RTN2: variants seen among roughly 807,000 people sequenced by gnomAD.
RTN2 encodes the protein reticulon 2.
A neutral mutation model predicts 63.7 loss-of-function variants in RTN2; 36 were observed. That is an observed-to-expected ratio of 0.56 (90% CI 0.43 to 0.75). The LOEUF is 0.75. Ranked by LOEUF, RTN2 falls within the 30% of genes least tolerant of loss-of-function variation. The pLI is 0.00. For missense variants in RTN2, 673 were observed against 705.1 expected, an observed-to-expected ratio of 0.95 and a Z score of 0.52; for synonymous variants, 312 against 313.0, an observed-to-expected ratio of 1.00 and a Z score of 0.03.
chr19:45,493,975 C>A, intron 4 of RTN2, 191 bp downstream of exon 4: 1 of 858,780 alleles, frequency 1.2e-6, no homozygotes, highest in Non-Finnish European at 1.8e-6. Flanking sequence ...CAGGCATGAG[C>A]CACCGCGCCC....
rs765432276 is a variant in RTN2 at position 45,489,447 on chromosome 19, G to A, written c.1140C>T (p.Ala380=). The A allele has an allele frequency of 1.1e-5, 18 of 1,612,028 alleles. No homozygotes were observed. The highest frequency in any genetic ancestry group is 3.3e-5 in the Admixed American group (2 of 59,770). Residue 380 remains alanine, a synonymous_variant, in exon 6 of 11, where the codon GCC becomes GCT. Transcript: ENST00000245923. ...AGAGCAGCAACAGAGCCAAGTGCGCGGCCACGGACACGATGCTAAAGTGCA... is the reference window on the plus strand; with the variant it reads ...AGAGCAGCAACAGAGCCAAGTGCGCAGCCACGGACACGATGCTAAAGTGCA... The part of the protein sequence containing the change: ...CLLHFSIVSV[A]AHLALLLLCG...
intron 10 of RTN2, 132 bp from the exon 11 acceptor site, chr19:45,485,921 T>G: frequency 8.8e-7 from 1 of 1,139,314 alleles, no homozygotes; most frequent in East Asian, 2.4e-5. Context: ...CCTAGTGGCC[T>G]ACATTGGAAT....
At chr19:45,490,027 T>C (rs1176613986) in intron 5 of RTN2, among the ~76,000 whole-genome samples, 1 of 151,614 alleles carries the variant, frequency 6.6e-6, no homozygotes, top group Non-Finnish European at 1.5e-5. Context: ...TTTATTTTTA[T>C]TTTTTTCTCT....
rs1368017972 is a variant in RTN2, at chr19:45,494,825, C to T, written c.260G>A (p.Arg87His). 5 of 1,603,014 alleles carry T rather than the reference C, an allele frequency of 3.1e-6. No individual in the cohort carries two copies. Among genetic ancestry groups the T allele is most frequent in the East Asian group, 2.2e-5 (1 of 44,876 alleles). The part of the protein sequence containing the change: ...GRRDSTARRP[R>H]PQGRSVSEPR... ...TTCCGAGACTGAGCGGCCCTGGGGG[C>T]GGGGGCGGCGGGCAGTTGAATCCCT... is the stretch of plus-strand genomic sequence containing the variant. The change falls in exon 3 of 11, where the codon CGC (arginine) becomes CAC (histidine). Residue 87 changes from arginine to histidine, a missense_variant. By Grantham distance (29) the Arg-to-His change is conservative. Transcript: ENST00000245923. The surrounding 1 kb of genome is among the most constrained non-coding windows in gnomAD (Gnocchi z 5.3).
intron 5 of RTN2, among the ~76,000 whole-genome samples, chr19:45,491,582 A>C (rs1252118769): frequency 2.1e-5 from 3 of 146,074 alleles, no homozygotes; most frequent in Admixed American, 7.0e-5. Flanking sequence ...CCCAAGCTGG[A>C]GTGCAGTGGC....
At chr19:45,491,925 G>C (rs775603380) in intron 5 of RTN2, among the ~76,000 whole-genome samples, 1 of 151,924 alleles carries the variant, frequency 6.6e-6, no homozygotes. Flanking sequence ...CACCGCGCTC[G>C]GTCATATATA....
At position 45,489,394 on chromosome 19, in the gene RTN2, C is replaced by A. The variant is rs1280056583; in HGVS notation, c.1193G>T (p.Arg398Leu). 16 of 1,596,262 alleles carry A rather than the reference C, an allele frequency of 1.0e-5. No homozygotes were observed. The highest frequency in any genetic ancestry group is 1.4e-5 in the Non-Finnish European group (16 of 1,172,046). The change falls in exon 6 of 11, where the codon CGC (arginine) becomes CTC (leucine). Residue 398 changes from arginine (R) to leucine (L), a missense_variant. By Grantham distance (102) the Arg-to-Leu change is moderately radical (BLOSUM62 -2). Coordinates refer to ENST00000245923, the MANE Select transcript of RTN2 (RefSeq NM_005619.5). Reference sequence around the variant, plus strand: ...CCGGTGCACGGCCTGCAGCACTTTGCGGTAAACCCTGAGAGAGATGGTGCC... The same window carrying A: ...CCGGTGCACGGCCTGCAGCACTTTGAGGTAAACCCTGAGAGAGATGGTGCC... ...LCGTISLRVY[R>L]KVLQAVHRGD...
rs757099143 is a variant in RTN2 at position 45,485,777 on chromosome 19, T to A, written c.1569A>T (p.Lys523Asn). The change falls in exon 11 of 11, where the codon AAA (lysine) becomes AAT (asparagine). Residue 523 changes from lysine (K) to asparagine (N), a missense_variant. By Grantham distance (94) the Lys-to-Asn change is moderately conservative. Coordinates refer to ENST00000245923, the MANE Select transcript of RTN2 (RefSeq NM_005619.5). ...AGGCCAGGGCTCCGGTCCCTGGGAT[T>A]TTAGCTCGGATCCTGAAGGAGAAAC... ...LSHIKAKIRA[K>N]IPGTGALASA... 6 of 1,613,632 alleles carry A rather than the reference T, an allele frequency of 3.7e-6. No homozygotes were observed. The highest frequency in any genetic ancestry group is 1.3e-5 in the African/African-American group (1 of 74,818).
Position 45,494,882 on chromosome 19 carries a change from G to A in RTN2, c.203C>T (p.Ala68Val). The A allele has an allele frequency of 6.2e-7, 1 of 1,610,100 alleles. No homozygotes were observed. ...TPRELTFSYI[A>V]FDGVVGSGGR... ...CCCGGAGCCCACTACACCATCAAAG[G>A]CGATGTAGGAGAAGGTCAGCTCCCG... The change falls in exon 3 of 11, where the codon GCC becomes GTC. Residue 68 changes from alanine (A) to valine (V), a missense_variant. By Grantham distance (64) the Ala-to-Val change is moderately conservative. Transcript: ENST00000245923. This position sits in a 1 kb window ranked among gnomAD's most constrained non-coding sequence, Gnocchi z 5.3.
chr19:45,486,609 T>C (rs1440474948), intron 9 of RTN2, among the ~76,000 whole-genome samples: 1 of 152,118 alleles, frequency 6.6e-6, no homozygotes, highest in African/African-American at 2.4e-5. Context: ...CCTCCTGAGT[T>C]CAAGCGATTC....
Position 45,495,026 on chromosome 19 carries a change from C to T in RTN2, c.80-21G>A, listed in dbSNP as rs552927636. ...CCCTCCTGCAGTGGGTGAAGGAGAG[C>T]CTTGTTTCCCTCAGCAGGTCCCTGA... is the stretch of plus-strand genomic sequence containing the variant. On this transcript the variant is annotated intron_variant, in intron 2 of 10. Transcript: ENST00000245923. 12 of 1,614,102 alleles carry T rather than the reference C, an allele frequency of 7.4e-6. No individual in the cohort carries two copies. In the East Asian group the frequency reaches 2.0e-4, roughly 27 times the overall value.
rs1967993887 is a variant in RTN2 at position 45,485,368 on chromosome 19, T to C, written c.*340A>G. On this transcript the variant is annotated 3_prime_UTR_variant, in exon 11 of 11. Coordinates refer to ENST00000245923, the MANE Select transcript of RTN2 (RefSeq NM_005619.5). ...CTGGGCCCCATGCAAAGCCCCGGCG[T>C]TGGGGCTAGTAGCATCCAGGAGACA... 3.4e-6 allele frequency: 1 copy of C among 293,372 alleles called. No homozygotes were observed. The highest frequency in any genetic ancestry group is 6.5e-6 in the Non-Finnish European group (1 of 153,580). The allele number at this position is 293,372 out of a possible 1,614,324, so 18.2% of individuals were successfully genotyped here. A position where few individuals can be genotyped will look rare whatever the true frequency, so the allele number is the denominator to read the frequency against.
intron 1 of RTN2, among the ~76,000 whole-genome samples, chr19:45,495,982 G>T (rs543815298): frequency 6.6e-6 from 1 of 152,204 alleles, no homozygotes; most frequent in Non-Finnish European, 1.5e-5. Flanking sequence ...CATGGAAATG[G>T]CTAGATCTAA....
intron 10 of RTN2, 100 bp downstream of exon 10, chr19:45,485,955 G>C (rs1229070104): frequency 6.1e-6 from 8 of 1,307,720 alleles, no homozygotes; most frequent in Non-Finnish European, 8.8e-6. Flanking sequence ...TTTTCAAGGG[G>C]ACATTACCCC....
intron 10 of RTN2, 89 bp downstream of exon 10, chr19:45,485,966 A>C: frequency 2.9e-6 from 4 of 1,367,310 alleles, no homozygotes; most frequent in Admixed American, 1.8e-5. Context: ...ACATTACCCC[A>C]GGAGATTTGC....
intron 2 of RTN2, 40 bp downstream of exon 2, chr19:45,495,055 G>A: frequency 6.2e-7 from 1 of 1,614,166 alleles, no homozygotes; most frequent in Non-Finnish European, 8.5e-7. Flanking sequence ...TCCCTGAGCT[G>A]CCCAGCCCTG....
At position 45,486,090 on chromosome 19, in the gene RTN2, C is replaced by T. The variant is rs750450680; in HGVS notation, c.1521G>A (p.Gly507=). ...TGTGGCTCAACTGATTGGTCACCAA[C>T]CCCACATATTGGTCGATCTGAGCCT... ...QHQAQIDQYV[G]LVTNQLSHIK... Residue 507 remains glycine (G), a synonymous_variant, in exon 10 of 11, where the codon GGG becomes GGA. Coordinates refer to ENST00000245923, the MANE Select transcript of RTN2 (RefSeq NM_005619.5). 6 of 1,613,970 alleles carry T rather than the reference C, an allele frequency of 3.7e-6. No individual in the cohort carries two copies. Among genetic ancestry groups the T allele is most frequent in the Non-Finnish European group, 5.1e-6 (6 of 1,180,008 alleles).
Position 45,488,998 on chromosome 19 carries a change from A to G in RTN2, c.1242-12T>C, listed in dbSNP as rs1452021902. On this transcript the variant is annotated splice_polypyrimidine_tract_variant and intron_variant, in intron 6 of 10. Coordinates refer to ENST00000245923, the MANE Select transcript of RTN2 (RefSeq NM_005619.5). ...CATCCAGGTAGGCCCTGCGGGGACAAAGGAGTGTGGGGCGACTCAGTGGGT... is the reference window on the plus strand; with the variant it reads ...CATCCAGGTAGGCCCTGCGGGGACAGAGGAGTGTGGGGCGACTCAGTGGGT... The G allele has an allele frequency of 6.2e-7, 1 of 1,609,814 alleles. No homozygotes were observed. The highest frequency in any genetic ancestry group is 1.3e-5 in the African/African-American group (1 of 74,972).
chr19:45,485,808 G>T lies in RTN2; in HGVS notation c.1557-19C>A. ...TCGGATCCTGAAGGAGAAACAGGTG[G>T]GATCACGAGGTGGGGCAAGAGACGC... On this transcript the variant is annotated intron_variant, in intron 10 of 10. Transcript: ENST00000245923. 6.2e-7 allele frequency: 1 copy of T among 1,602,184 alleles called. No individual in the cohort carries two copies. The highest frequency in any genetic ancestry group is 8.6e-7 in the Non-Finnish European group (1 of 1,169,358).
Sources: allele counts gnomAD v4.1 joint callset (sites outside exome capture counted in the v4.1 genomes callset), GRCh38; gene constraint gnomAD v4.1.1; non-coding constraint Gnocchi (gnomAD v3.1); transcripts MANE v1.5; gene names NCBI Gene and HGNC (gene_info 2026-07-23, HGNC 2026-07-21).